Variants in RIMS2 observed in about 807,000 individuals in gnomAD.
RIMS2 encodes the protein regulating synaptic membrane exocytosis protein 2.
RIMS2 carries 59 observed loss-of-function variants against 174.4 expected under a neutral mutation model. That is an observed-to-expected ratio of 0.34 (90% CI 0.27 to 0.42). RIMS2 has a LOEUF of 0.42. Ranked by LOEUF, RIMS2 falls within the 10% of genes least tolerant of loss-of-function variation. The probability of loss-of-function intolerance (pLI) is 1.00; values close to 1 mark genes in which losing one functional copy is unlikely to be tolerated. For synonymous variants in RIMS2, 606 were observed against 572.5 expected (o/e 1.06, Z -0.84); for missense variants, 1,620 against 1,666.3 (o/e 0.97, Z 0.48).
intron 16 of RIMS2, among the ~76,000 whole-genome samples, chr8:103,980,955 C>T (rs190983407): frequency 7.2e-5 from 11 of 152,278 alleles, no homozygotes; most frequent in Admixed American, 3.3e-4. Flanking sequence ...ACCCCAATCC[C>T]TAGCTCCCAG....
chr8:103,975,542 T>A, intron 16 of RIMS2, 36 bp downstream of exon 18: 2 of 1,537,136 alleles, frequency 1.3e-6, no homozygotes, highest in South Asian at 2.3e-5. Context: ...GTAGGGTGGC[T>A]GTATTAGTCA....
chr8:103,597,410 A>G (rs1216668555), intron 1 of RIMS2, among the ~76,000 whole-genome samples: 1 of 152,080 alleles, frequency 6.6e-6, no homozygotes, highest in East Asian at 1.9e-4. Context: ...CTGTTTATGC[A>G]TACCCTTCTG....
chr8:103,517,898 C>T (rs991039503), intron 1 of RIMS2, among the ~76,000 whole-genome samples: 2 of 149,224 alleles, frequency 1.3e-5, no homozygotes, highest in African/African-American at 5.0e-5. Flanking sequence ...ACATAAAATG[C>T]ACGAATATGA....
chr8:103,665,139 TG>T (rs1480517365), intron 1 of RIMS2, among the ~76,000 whole-genome samples: 2 of 152,100 alleles, frequency 1.3e-5, no homozygotes, highest in East Asian at 1.9e-4. Context: ...CATGGGAGCC[TG>T]GGGGAGGGAT....
chr8:103,913,030 T>C (rs557216563), intron 6 of RIMS2, among the ~76,000 whole-genome samples: 2 of 146,400 alleles, frequency 1.4e-5, no homozygotes, highest in Non-Finnish European at 3.0e-5. Context: ...TGGAGTGCAG[T>C]GGCATGATCT....
At chr8:104,121,687 C>T (rs992387673) in intron 19 of RIMS2, among the ~76,000 whole-genome samples, 3 of 152,072 alleles carry the variant, frequency 2.0e-5, no homozygotes, top group African/African-American at 7.2e-5. Flanking sequence ...AATGGCTGAG[C>T]GAGGTGGCTC....
intron 2 of RIMS2, among the ~76,000 whole-genome samples, chr8:103,759,457 C>G (rs538875144): frequency 6.8e-6 from 1 of 147,610 alleles, no homozygotes; most frequent in Non-Finnish European, 1.5e-5. Flanking sequence ...CCCAGCTACT[C>G]GGGAGGCTGA....
At chr8:103,728,833 C>T (rs1229358833) in intron 2 of RIMS2, among the ~76,000 whole-genome samples, 1 of 138,362 alleles carries the variant, frequency 7.2e-6, no homozygotes, top group Non-Finnish European at 1.5e-5. Context: ...TTGAAATGAT[C>T]GTGTGGTTTT....
chr8:103,973,250 T>C (rs1172621349), intron 15 of RIMS2, among the ~76,000 whole-genome samples: 2 of 152,206 alleles, frequency 1.3e-5, no homozygotes, highest in Non-Finnish European at 1.5e-5. Flanking sequence ...TGACACTTAA[T>C]TTAGATTTTT....
chr8:103,724,752 T>A (rs1304039657), intron 2 of RIMS2, among the ~76,000 whole-genome samples: 1 of 152,252 alleles, frequency 6.6e-6, no homozygotes, highest in Non-Finnish European at 1.5e-5. Context: ...TATCCACTAA[T>A]GTTCACAGCC....
chr8:103,754,663 G>A (rs1157017717), intron 2 of RIMS2, among the ~76,000 whole-genome samples: 1 of 152,112 alleles, frequency 6.6e-6, no homozygotes, highest in Non-Finnish European at 1.5e-5. Flanking sequence ...TTGTTGAATT[G>A]ATCCCTTTAC....
At chr8:104,176,490 G>A (rs2098896338) in intron 19 of RIMS2, among the ~76,000 whole-genome samples, 2 of 152,006 alleles carry the variant, frequency 1.3e-5, no homozygotes, top group African/African-American at 2.4e-5. Flanking sequence ...TTGAATCCTG[G>A]TCCTTAAACT....
At chr8:103,830,679 T>C (rs2098820129) in intron 3 of RIMS2, among the ~76,000 whole-genome samples, 2 of 152,256 alleles carry the variant, frequency 1.3e-5, no homozygotes, top group South Asian at 4.1e-4. Context: ...TCCTATTTTT[T>C]CTCTCAATTG....
At position 103,741,045 on chromosome 8, in the gene RIMS2, A is replaced by G. The variant is rs1047957647; in HGVS notation, c.388-25182A>G. Among the ~76,000 whole-genome samples the G allele has an allele frequency of 3.9e-5, 6 of 152,208 alleles. No homozygotes were observed. In the South Asian group the frequency reaches 1.2e-3, roughly 32 times the overall value. ...GAATTTCAGTGACCATAAGTCTTAA[A>G]GTTTTGAAAAATTTCTATTGGATTG... On this transcript the variant is annotated intron_variant, in intron 2 of 23. Coordinates refer to ENST00000504942, the Ensembl canonical transcript of RIMS2.
At chr8:103,819,560 A>C (rs1406613025) in intron 3 of RIMS2, 1 of 1,613,476 alleles carries the variant, frequency 6.2e-7, no homozygotes, top group African/African-American at 1.3e-5. Flanking sequence ...TCTCATTTTC[A>C]TGGGGTTTTT....
intron 1 of RIMS2, among the ~76,000 whole-genome samples, chr8:103,624,339 TAAG>T (rs1275992635): frequency 3.3e-5 from 5 of 152,306 alleles, no homozygotes; most frequent in Non-Finnish European, 2.9e-5. Context: ...CCTGCTTGCT[TAAG>T]CTAGGACATC....
chr8:104,194,606 A>G (rs2099014696), intron 19 of RIMS2, among the ~76,000 whole-genome samples: 2 of 152,210 alleles, frequency 1.3e-5, no homozygotes, highest in Non-Finnish European at 2.9e-5. Context: ...TTGACCATCT[A>G]GTACATGGCA....
intron 19 of RIMS2, among the ~76,000 whole-genome samples, chr8:104,023,433 A>G (rs1296248053): frequency 6.6e-6 from 1 of 152,206 alleles, no homozygotes; most frequent in Non-Finnish European, 1.5e-5. Flanking sequence ...TGATAGCAGT[A>G]TAAGTAGCTG....
chr8:103,846,388 C>T (rs1349130405), intron 3 of RIMS2, among the ~76,000 whole-genome samples: 1 of 152,098 alleles, frequency 6.6e-6, no homozygotes, highest in Non-Finnish European at 1.5e-5. Flanking sequence ...AAGAACTAGT[C>T]AAGGGCATGG....
Sources: gnomAD v4.1 joint callset for allele counts (sites outside exome capture counted in the v4.1 genomes callset) on GRCh38, gnomAD v4.1.1 for gene constraint, MANE v1.5 for transcripts, NCBI Gene and HGNC (gene_info 2026-07-23, HGNC 2026-07-21) for gene names.